The following TACR1 variants were observed in gnomAD, a reference collection of about 807,000 sequenced individuals.
TACR1 encodes substance-P receptor.
In TACR1, 25 loss-of-function variants were observed where a neutral mutation model predicts 35.8. The ratio of observed to expected loss-of-function variants is 0.70; its 90% confidence interval spans 0.51 to 0.98. TACR1 has a LOEUF of 0.98. Ranked by LOEUF, TACR1 falls within the 50% of genes least tolerant of loss-of-function variation. TACR1 has a pLI of 0.00. For synonymous variants in TACR1, 195 were observed against 206.7 expected (o/e 0.94, Z 0.48); for missense variants, 478 against 522.9 (o/e 0.91, Z 0.84).
chr2:75,154,401 A>AGCGTGCTCGCGTGCGC, intron 1 of TACR1: 1 of 76,500 alleles, frequency 1.3e-5, no homozygotes, highest in South Asian at 4.3e-4. Context: ...ATCAGCCAAG[A>AGCGTGCTCGCGTGCGC]GCGCGCACGC....
intron 2 of TACR1, chr2:75,118,975 G>A (rs772758953): frequency 6.6e-6 from 1 of 152,220 alleles, no homozygotes; most frequent in Admixed American, 6.5e-5. Flanking sequence ...CCTAGGCTGA[G>A]CATTAATCCC....
At chr2:75,177,101 G>A (rs770125557) in intron 1 of TACR1, among the ~76,000 whole-genome samples, 8 of 152,024 alleles carry the variant, frequency 5.3e-5, no homozygotes, top group Non-Finnish European at 1.0e-4. Context: ...GGCACCAGGA[G>A]TACTTGCTGC....
At position 75,049,424 on chromosome 2, in the gene TACR1, C is replaced by A. The variant is rs909932992; in HGVS notation, c.*8G>T. Reference sequence around the variant, plus strand: ...AGTGGGGGCTGCACCTGCCAAAGGCCCTGTGGCCTAGGAGAGCACATTGGA... The same window carrying A: ...AGTGGGGGCTGCACCTGCCAAAGGCACTGTGGCCTAGGAGAGCACATTGGA... On this transcript the variant is annotated 3_prime_UTR_variant, in exon 5 of 5. Coordinates refer to ENST00000305249, the MANE Select transcript of TACR1 (RefSeq NM_001058.4). The A allele has an allele frequency of 4.4e-6, 7 of 1,606,106 alleles. No homozygotes were observed. The African/African-American group carries it at 9.4e-5, about 21-fold the overall frequency.
At chr2:75,137,728 CAAAAAAAAAAAAAAAAAAA>C (rs11326632) in intron 1 of TACR1, among the ~76,000 whole-genome samples, 2 of 47,516 alleles carry the variant, frequency 4.2e-5, no homozygotes, top group African/African-American at 1.8e-4. Context: ...GTCTCCGTCT[CAAAAAAAAAAAAAAAAAAA>C]AAAAAAAAAG....
rs564062791 is a variant in TACR1 at position 75,124,451 on chromosome 2, C to G, written c.390-3683G>C. 2.6e-5 allele frequency among the ~76,000 whole-genome samples: 4 copies of G among 152,316 alleles called. No individual in the cohort carries two copies. In the East Asian group the frequency reaches 7.7e-4, roughly 29 times the overall value. On this transcript the variant is annotated intron_variant, in intron 1 of 4. Coordinates refer to ENST00000305249, the MANE Select transcript of TACR1 (RefSeq NM_001058.4). ...TTCTCATCCAATTCCAGTTTCTGCC[C>G]TCACTTCTCCCACTCACTCCTGGGG... is the stretch of plus-strand genomic sequence containing the variant.
chr2:75,135,038 A>G (rs1292806462), intron 1 of TACR1, among the ~76,000 whole-genome samples: 1 of 152,186 alleles, frequency 6.6e-6, no homozygotes, highest in Non-Finnish European at 1.5e-5. Context: ...TCCAGAAAGT[A>G]AACATTTCCC....
At position 75,198,667 on chromosome 2, in the gene TACR1, A is replaced by C; in HGVS notation, c.268T>G (p.Phe90Val). The C allele has an allele frequency of 1.2e-6, 2 of 1,614,220 alleles. No individual in the cohort carries two copies. Among genetic ancestry groups the C allele is most frequent in the African/African-American group, 2.7e-5 (2 of 75,068 alleles). Residue 90 changes from phenylalanine (F) to valine (V), a missense_variant, in exon 1 of 5, where the codon TTC becomes GTC. By Grantham distance (50) the Phe-to-Val change is conservative. Coordinates refer to ENST00000305249, the MANE Select transcript of TACR1 (RefSeq NM_001058.4). ...SMAAFNTVVN[F>V]TYAVHNEWYY... ...CATTCGTTGTGGACAGCATAGGTGA[A>C]GTTCACCACTGTATTGAATGCAGCC...
intron 1 of TACR1, among the ~76,000 whole-genome samples, chr2:75,159,766 G>C (rs1366986545): frequency 2.6e-5 from 4 of 152,134 alleles, no homozygotes; most frequent in Non-Finnish European, 5.9e-5. Flanking sequence ...TGTGTGACTA[G>C]GAGTGCTTAT....
chr2:75,180,221 A>T (rs903175961), intron 1 of TACR1, among the ~76,000 whole-genome samples: 1 of 152,146 alleles, frequency 6.6e-6, no homozygotes, highest in Non-Finnish European at 1.5e-5. Flanking sequence ...CGGTACTCAA[A>T]ATTACATATT....
rs563394599 is a variant in TACR1, at chr2:75,168,500, G to T, written c.389+30046C>A. Among the ~76,000 whole-genome samples, 7 of 152,294 alleles carry T rather than the reference G, an allele frequency of 4.6e-5. No individual in the cohort carries two copies. The East Asian group carries it at 1.2e-3, about 25-fold the overall frequency. On this transcript the variant is annotated intron_variant, in intron 1 of 4. Coordinates refer to ENST00000305249, the MANE Select transcript of TACR1 (RefSeq NM_001058.4). ...TTACTGGCTTTGAAGATGGAGGAAGGGGGCAGTGAGCCAAGGAATGCCTTT... is the reference window on the plus strand; with the variant it reads ...TTACTGGCTTTGAAGATGGAGGAAGTGGGCAGTGAGCCAAGGAATGCCTTT...
chr2:75,127,493 T>C (rs188813457), intron 1 of TACR1, among the ~76,000 whole-genome samples: 2 of 152,294 alleles, frequency 1.3e-5, no homozygotes, highest in African/African-American at 4.8e-5. Context: ...CACAGCATCA[T>C]CAGTGGACCC....
chr2:75,098,065 G>T (rs1323688389), intron 2 of TACR1, among the ~76,000 whole-genome samples: 1 of 152,140 alleles, frequency 6.6e-6, no homozygotes, highest in Non-Finnish European at 1.5e-5. Flanking sequence ...CACACATTCT[G>T]TTAAAAAATA....
chr2:75,102,928 A>G (rs905434721), intron 2 of TACR1, among the ~76,000 whole-genome samples: 6 of 152,154 alleles, frequency 3.9e-5, no homozygotes, highest in African/African-American at 1.4e-4. Context: ...ACAGTAAATC[A>G]TTGTTTGTGG....
At chr2:75,079,360 C>T (rs1673036666) in intron 2 of TACR1, among the ~76,000 whole-genome samples, 1 of 152,150 alleles carries the variant, frequency 6.6e-6, no homozygotes, top group South Asian at 2.1e-4. Context: ...CCTTCCAACC[C>T]ATCTTCCCCA....
chr2:75,052,246 G>A (rs1330084518), intron 3 of TACR1, among the ~76,000 whole-genome samples: 3 of 152,070 alleles, frequency 2.0e-5, no homozygotes, highest in African/African-American at 7.2e-5. Context: ...GCCTGAGAAA[G>A]ACCCCTTGCC....
intron 1 of TACR1, among the ~76,000 whole-genome samples, chr2:75,164,035 A>G (rs1182444637): frequency 6.6e-6 from 1 of 152,140 alleles, no homozygotes; most frequent in Admixed American, 6.5e-5. Flanking sequence ...CAAACTAAGA[A>G]AGCAGGAGTG....
intron 2 of TACR1, among the ~76,000 whole-genome samples, chr2:75,119,923 A>C (rs1029023859): frequency 6.6e-5 from 10 of 152,200 alleles, no homozygotes; most frequent in African/African-American, 2.2e-4. Context: ...TGGCCAATAA[A>C]GAGTACATTA....
chr2:75,057,169 G>T (rs563312085), intron 2 of TACR1, among the ~76,000 whole-genome samples: 1 of 152,192 alleles, frequency 6.6e-6, no homozygotes, highest in Non-Finnish European at 1.5e-5. Flanking sequence ...AATCACAAAA[G>T]AAGTGAAAAT....
intron 1 of TACR1, among the ~76,000 whole-genome samples, chr2:75,181,296 C>T (rs139434150): frequency 1.6e-4 from 24 of 151,942 alleles, no homozygotes; most frequent in African/African-American, 5.8e-4. Flanking sequence ...TTTTGAAAAG[C>T]TTCTTTCCAA....
Sources: allele counts gnomAD v4.1 joint callset (sites outside exome capture counted in the v4.1 genomes callset), GRCh38; gene constraint gnomAD v4.1.1; transcripts MANE v1.5; gene names NCBI Gene and HGNC (gene_info 2026-07-23, HGNC 2026-07-21).